Variants in VPS41 observed in about 807,000 individuals in gnomAD.
The protein encoded by VPS41 is VPS41 subunit of HOPS complex.
VPS41 carries 85 observed loss-of-function variants against 130.9 expected under a neutral mutation model. That is an observed-to-expected ratio of 0.65 (90% CI 0.55 to 0.78). VPS41 has a LOEUF of 0.78. VPS41 is among the 30% of genes least tolerant of loss of function. The pLI, the probability that VPS41 is intolerant of heterozygous loss-of-function variation, is 0.00. For missense variants in VPS41, 874 were observed against 1,018.7 expected, an observed-to-expected ratio of 0.86 and a Z score of 1.93; for synonymous variants, 335 against 332.9, an observed-to-expected ratio of 1.01 and a Z score of -0.07.
At chr7:38,794,617 T>C (rs1277859142) in intron 9 of VPS41, among the ~76,000 whole-genome samples, 1 of 152,190 alleles carries the variant, frequency 6.6e-6, no homozygotes, top group Non-Finnish European at 1.5e-5. Flanking sequence ...CAATTAGCAC[T>C]ACCACTTTGC....
chr7:38,897,469 C>A (rs1428074914), intron 2 of VPS41, among the ~76,000 whole-genome samples: 2 of 151,706 alleles, frequency 1.3e-5, no homozygotes, highest in Middle Eastern at 3.4e-3. Context: ...CACGGTGAAA[C>A]CCTGCCTCTA....
intron 1 of VPS41, 71 bp from the exon 2 acceptor site, chr7:38,898,200 T>C: frequency 7.7e-7 from 1 of 1,298,776 alleles, no homozygotes; most frequent in Non-Finnish European, 1.1e-6. Flanking sequence ...GGGGAAAGAG[T>C]CCTCATGTTC....
chr7:38,862,145 AT>A (rs1025538104), intron 4 of VPS41, among the ~76,000 whole-genome samples: 20 of 152,096 alleles, frequency 1.3e-4, no homozygotes, highest in Admixed American at 1.2e-3. Flanking sequence ...AGAAAGCAGC[AT>A]TTTTTTCTTT....
chr7:38,802,152 C>T (rs149554323), intron 7 of VPS41, among the ~76,000 whole-genome samples: 47 of 152,286 alleles, frequency 3.1e-4, no homozygotes, highest in African/African-American at 1.1e-3. Flanking sequence ...TAGCCTTCCT[C>T]TATTAGGTTT....
chr7:38,760,512 G>C (rs1383111623), intron 17 of VPS41, among the ~76,000 whole-genome samples: 2 of 152,028 alleles, frequency 1.3e-5, no homozygotes, highest in Non-Finnish European at 2.9e-5. Flanking sequence ...GAGCTAATCA[G>C]AGCATCACTG....
chr7:38,803,010 T>A (rs191971765), intron 7 of VPS41, among the ~76,000 whole-genome samples: 1 of 152,358 alleles, frequency 6.6e-6, no homozygotes, highest in African/African-American at 2.4e-5. Flanking sequence ...TTATTTCCCA[T>A]AAATCCACAT....
chr7:38,832,475 C>T (rs565267617), intron 4 of VPS41, among the ~76,000 whole-genome samples: 1 of 151,918 alleles, frequency 6.6e-6, no homozygotes, highest in East Asian at 1.9e-4. Context: ...CGTGCCACCA[C>T]GTCCAGCTAA....
At chr7:38,826,950 C>T (rs958440916) in intron 5 of VPS41, among the ~76,000 whole-genome samples, 2 of 152,072 alleles carry the variant, frequency 1.3e-5, no homozygotes, top group Admixed American at 6.5e-5. Context: ...TCCCGAGTAG[C>T]TGGGACTACA....
At chr7:38,878,465 T>C (rs967243965) in intron 2 of VPS41, among the ~76,000 whole-genome samples, 3 of 151,992 alleles carry the variant, frequency 2.0e-5, no homozygotes, top group African/African-American at 7.3e-5. Context: ...AACCATGATA[T>C]CAAAACTCCC....
intron 2 of VPS41, among the ~76,000 whole-genome samples, chr7:38,877,340 A>C (rs1470927415): frequency 6.6e-6 from 1 of 152,114 alleles, no homozygotes; most frequent in Non-Finnish European, 1.5e-5. Context: ...AAGGAGGGGT[A>C]AAAGGGGGAG....
chr7:38,757,561 G>C (rs1783823924), intron 18 of VPS41, among the ~76,000 whole-genome samples: 1 of 152,170 alleles, frequency 6.6e-6, no homozygotes, highest in African/African-American at 2.4e-5. Context: ...ACGTTTCCAA[G>C]AGAAAATGAT....
At chr7:38,895,051 G>T (rs1786951370) in intron 2 of VPS41, among the ~76,000 whole-genome samples, 1 of 152,224 alleles carries the variant, frequency 6.6e-6, no homozygotes, top group Non-Finnish European at 1.5e-5. Context: ...GCCAGGCACG[G>T]TGGCTCACGC....
intron 1 of VPS41, 131 bp downstream of exon 1, chr7:38,909,023 C>G (rs1162783416): frequency 1.8e-6 from 2 of 1,136,830 alleles, no homozygotes; most frequent in Non-Finnish European, 1.3e-6. Flanking sequence ...CATCCCACCC[C>G]GCCCTGCCGC....
chr7:38,755,974 C>T (rs1208696432), intron 19 of VPS41, among the ~76,000 whole-genome samples: 1 of 152,086 alleles, frequency 6.6e-6, no homozygotes, highest in Admixed American at 6.6e-5. Context: ...AGGGCTAAAG[C>T]ATCTTTGAGA....
intron 9 of VPS41, among the ~76,000 whole-genome samples, chr7:38,793,352 TC>T (rs1784567624): frequency 6.6e-6 from 1 of 152,180 alleles, no homozygotes; most frequent in Non-Finnish European, 1.5e-5. Flanking sequence ...TGGTTGCTTC[TC>T]CCCAACAAGA....
rs1783809783 is a variant in VPS41 at position 38,757,063 on chromosome 7, T to C, written c.1551-81A>G. 1.3e-5 allele frequency: 15 copies of C among 1,150,696 alleles called. No individual in the cohort carries two copies. The South Asian group carries it at 1.7e-4, about 13-fold the overall frequency. The allele number at this position is 1,150,696 out of a possible 1,614,324, so 71.3% of individuals were successfully genotyped here. A position where few individuals can be genotyped will look rare whatever the true frequency, so the allele number is the denominator to read the frequency against. On this transcript the variant is annotated intron_variant, in intron 18 of 28. Transcript: ENST00000310301. ...CACAGAGAGATCATGGTTCACAATA[T>C]TAAAAATGGAAACACTCCTTTAGAG...
intron 9 of VPS41, among the ~76,000 whole-genome samples, chr7:38,791,179 C>T (rs1297906839): frequency 6.6e-6 from 1 of 152,196 alleles, no homozygotes; most frequent in Non-Finnish European, 1.5e-5. Context: ...TGCCTGTCCA[C>T]TTCTCCAATT....
At chr7:38,872,130 G>T (rs953618219) in intron 2 of VPS41, among the ~76,000 whole-genome samples, 1 of 152,186 alleles carries the variant, frequency 6.6e-6, no homozygotes, top group Non-Finnish European at 1.5e-5. Context: ...TGGGTTTAGA[G>T]GATCTGCTTC....
At chr7:38,753,198 G>C (rs953144782) in intron 21 of VPS41, among the ~76,000 whole-genome samples, 12 of 152,232 alleles carry the variant, frequency 7.9e-5, no homozygotes, top group African/African-American at 2.9e-4. Flanking sequence ...AACACCTTGG[G>C]TTGCTGTTTC....
Sources: allele counts gnomAD v4.1 joint callset (sites outside exome capture counted in the v4.1 genomes callset), GRCh38; gene constraint gnomAD v4.1.1; transcripts MANE v1.5; gene names NCBI Gene and HGNC (gene_info 2026-07-23, HGNC 2026-07-21).